Variants in EFCAB8 observed in about 807,000 individuals in gnomAD.
EFCAB8 encodes the protein EF-hand calcium-binding domain-containing protein 8.
A neutral mutation model predicts 116.3 loss-of-function variants in EFCAB8; 100 were observed. That is an observed-to-expected ratio of 0.86 (90% CI 0.73 to 1.02). The LOEUF (loss-of-function observed/expected upper bound fraction) is 1.02. EFCAB8 is among the 50% of genes least tolerant of loss of function. EFCAB8 has a pLI of 0.00. For synonymous variants in EFCAB8, 558 were observed against 567.9 expected (o/e 0.98, Z 0.25); for missense variants, 1,320 against 1,416.9 (o/e 0.93, Z 1.10).
At chr20:32,919,934 A>T in intron 19 of EFCAB8, 144 bp from the exon 20 acceptor site, 1 of 1,080,536 alleles carries the variant, frequency 9.3e-7, no homozygotes, top group Non-Finnish European at 1.3e-6. Flanking sequence ...TCCGGGATCC[A>T]CTGAGCGCTG....
At chr20:32,920,245 A>G in intron 20 of EFCAB8, 30 bp downstream of exon 20, 7 of 1,550,786 alleles carry the variant, frequency 4.5e-6, no homozygotes, top group South Asian at 1.2e-5. Context: ...GGAGAGGGAT[A>G]TGAGCTGGGG....
intron 23 of EFCAB8, among the ~76,000 whole-genome samples, chr20:32,951,825 C>G (rs1046450902): frequency 6.6e-6 from 1 of 151,932 alleles, no homozygotes; most frequent in South Asian, 2.1e-4. Context: ...GATCTTTTGC[C>G]ATTAAAAAAA....
chr20:32,921,882 G>A (rs137860663), intron 20 of EFCAB8, among the ~76,000 whole-genome samples: 1,609 of 144,960 alleles, frequency 0.011, 115 homozygotes, highest in Admixed American at 0.1. Context: ...CCAGGCTGGC[G>A]TGCAGTGTTG....
chr20:32,920,532 G>A (rs754941879), intron 20 of EFCAB8, among the ~76,000 whole-genome samples: 3 of 152,182 alleles, frequency 2.0e-5, no homozygotes, highest in African/African-American at 7.2e-5. Flanking sequence ...GGAGGCTAAA[G>A]GTGCTTCTTA....
At chr20:32,920,305 T>G in intron 20 of EFCAB8, 90 bp downstream of exon 20, 6 of 1,481,344 alleles carry the variant, frequency 4.1e-6, no homozygotes. Flanking sequence ...GGGCCTGGGC[T>G]CGGGGCCCGG....
intron 23 of EFCAB8, among the ~76,000 whole-genome samples, chr20:32,948,572 G>GAAAGAAAGAAAGAAAGAA (rs1555871358): frequency 7.2e-5 from 10 of 139,634 alleles, no homozygotes; most frequent in African/African-American, 2.5e-4. Flanking sequence ...AAGAAAGAAA[G>GAAAGAAAGAAAGAAAGAA]AAAGAAAGAA....
At chr20:32,877,405 C>T (rs993011960) in intron 4 of EFCAB8, among the ~76,000 whole-genome samples, 8 of 151,942 alleles carry the variant, frequency 5.3e-5, no homozygotes, top group African/African-American at 1.9e-4. Flanking sequence ...AACGGGGTTT[C>T]ACCATGTTGG....
intron 23 of EFCAB8, among the ~76,000 whole-genome samples, chr20:32,944,016 T>A (rs1988498119): frequency 6.6e-6 from 1 of 152,250 alleles, no homozygotes; most frequent in Non-Finnish European, 1.5e-5. Flanking sequence ...TTCACCTATG[T>A]ATATTTTTGC....
chr20:32,959,545 G>A (rs1288571137), intron 24 of EFCAB8, among the ~76,000 whole-genome samples: 1 of 152,210 alleles, frequency 6.6e-6, no homozygotes, highest in Non-Finnish European at 1.5e-5. Flanking sequence ...TCTGCATGGT[G>A]GAGAGGACAG....
At chr20:32,931,137 G>A (rs765272895) in intron 21 of EFCAB8, 41 bp from the exon 22 acceptor site, 11 of 1,488,658 alleles carry the variant, frequency 7.4e-6, no homozygotes, top group East Asian at 5.0e-5. Context: ...TGGGGTCTGG[G>A]TCAAGGGGTG....
rs185401683 is a variant in EFCAB8, at chr20:32,918,577, G to A, written c.2274+3G>A. ...CAGACAGGCCTGTGCCCCAGCAGGTGGGAGCGAGAGCCCAACCAGAAGGCT... is the reference window on the plus strand; with the variant it reads ...CAGACAGGCCTGTGCCCCAGCAGGTAGGAGCGAGAGCCCAACCAGAAGGCT... On this transcript the variant is annotated splice_donor_region_variant and intron_variant, in intron 19 of 26. Transcript: ENST00000400522. 1,186 of 1,551,382 alleles carry A rather than the reference G, an allele frequency of 7.6e-4. 1 individual carries two copies. Among genetic ancestry groups the A allele is most frequent in the Admixed American group, 9.8e-4 (50 of 50,994 alleles).
chr20:32,868,538 T>A (rs1984536488), intron 3 of EFCAB8, among the ~76,000 whole-genome samples: 1 of 152,246 alleles, frequency 6.6e-6, no homozygotes, highest in African/African-American at 2.4e-5. Flanking sequence ...TCCAGTTTCA[T>A]ATGTATGGTT....
chr20:32,959,141 A>G (rs1989062804), intron 24 of EFCAB8, among the ~76,000 whole-genome samples: 1 of 152,226 alleles, frequency 6.6e-6, no homozygotes, highest in Admixed American at 6.5e-5. Flanking sequence ...GGTTCTAGAA[A>G]TACAAGACAT....
intron 20 of EFCAB8, among the ~76,000 whole-genome samples, chr20:32,925,367 G>A (rs555145202): frequency 6.6e-6 from 1 of 152,234 alleles, no homozygotes; most frequent in South Asian, 2.1e-4. Context: ...TTACAGGTGT[G>A]TGCCACCACA....
Position 32,961,741 on chromosome 20 carries a change from G to A in EFCAB8, c.*132G>A. On this transcript the variant is annotated 3_prime_UTR_variant, in exon 27 of 27. Transcript: ENST00000400522. ...CCCGGCCACCCCACTGGGCCTCTCT[G>A]GGGAAGTTCACCTGTCTCCTAATCT... The A allele has an allele frequency of 2.0e-6, 1 of 499,016 alleles. No homozygotes were observed. The highest frequency in any genetic ancestry group is 3.2e-6 in the Non-Finnish European group (1 of 312,342). The allele number at this position is 499,016 out of a possible 1,614,324, so 30.9% of individuals were successfully genotyped here.
At chr20:32,957,450 G>C (rs2146305830) in intron 23 of EFCAB8, among the ~76,000 whole-genome samples, 1 of 152,262 alleles carries the variant, frequency 6.6e-6, no homozygotes, top group South Asian at 2.1e-4. Flanking sequence ...GTTGGGGATT[G>C]AACTGGGTTG....
chr20:32,916,661 G>A (rs146193708), intron 17 of EFCAB8, among the ~76,000 whole-genome samples: 88 of 152,276 alleles, frequency 5.8e-4, no homozygotes, highest in African/African-American at 2.1e-3. Flanking sequence ...TCACATTGAG[G>A]ATTAGGTTTT....
In EFCAB8 at chr20:32,909,858, T is replaced by C. The variant is rs2146242218; in HGVS notation, c.1484T>C (p.Leu495Pro). The C allele has an allele frequency of 8.0e-7, 1 of 1,249,892 alleles. No individual in the cohort carries two copies. The highest frequency in any genetic ancestry group is 3.2e-5 in the East Asian group (1 of 31,690). 77.4% of individuals were successfully genotyped at this position (1,249,892 alleles called of 1,614,324 possible). ...ILKGYLEAQG[L>P]IKARKRTTHC... ...AAAGGGTACTTAGAGGCCCAGGGGCTTATCAAAGCAAGGAAGAGGACCACT... is the reference window on the plus strand; with the variant it reads ...AAAGGGTACTTAGAGGCCCAGGGGCCTATCAAAGCAAGGAAGAGGACCACT... Residue 495 changes from leucine to proline, a missense_variant, in exon 15 of 27, where the codon CTT becomes CCT. Transcript: ENST00000400522.
At chr20:32,918,637 G>A (rs943340054) in intron 19 of EFCAB8, 63 bp downstream of exon 19, 25 of 1,444,656 alleles carry the variant, frequency 1.7e-5, no homozygotes, top group African/African-American at 5.6e-5. Context: ...TTCACACACC[G>A]TCTGTGTGTG....
Sources: gnomAD v4.1 joint callset for allele counts (sites outside exome capture counted in the v4.1 genomes callset) on GRCh38, gnomAD v4.1.1 for gene constraint, MANE v1.5 for transcripts, NCBI Gene and HGNC (gene_info 2026-07-23, HGNC 2026-07-21) for gene names.